Variants in GYPB observed in about 807,000 individuals in gnomAD.
GYPB encodes glycophorin B (MNS blood group).
In GYPB, 13 loss-of-function variants were observed where a neutral mutation model predicts 15.3. That is an observed-to-expected ratio of 0.85 (90% CI 0.55 to 1.35). GYPB has a LOEUF of 1.35. Ranked by LOEUF, GYPB falls within the 40% of genes most tolerant of loss-of-function variation. The probability of loss-of-function intolerance (pLI) is 0.00; values close to 1 mark genes in which losing one functional copy is unlikely to be tolerated. For missense variants in GYPB, 131 were observed against 108.3 expected (o/e 1.21, Z -0.93); for synonymous variants, 38 against 36.9 (o/e 1.03, Z -0.11).
chr4:143,995,539 T>A (rs1270725782), downstream of GYPB, among the ~76,000 whole-genome samples: 6 of 151,232 alleles, frequency 4.0e-5, no homozygotes, highest in Non-Finnish European at 7.3e-5. Context: ...GGCGTGGGCA[T>A]CCTGGAGTCC....
intron 1 of GYPB, chr4:144,008,502 G>A (rs1305947555): frequency 2.2e-6 from 1 of 455,170 alleles, no homozygotes; most frequent in East Asian, 6.9e-5. Flanking sequence ...GTTATTAACA[G>A]TCTGTTAAGT....
intron 2 of GYPB, 151 bp downstream of exon 2, chr4:144,001,034 T>G: frequency 1.4e-6 from 2 of 1,384,352 alleles, no homozygotes; most frequent in Admixed American, 4.0e-5. Flanking sequence ...TCCTCTGTAG[T>G]AAGAATTGTG....
At chr4:144,005,794 A>C (rs115017682) in intron 1 of GYPB, among the ~76,000 whole-genome samples, 1,844 of 151,752 alleles carry the variant, frequency 0.012, 16 homozygotes, top group African/African-American at 0.043. Context: ...TCTGAGAAAC[A>C]TACTCTCAAG....
rs778833697 is a variant in GYPB, at chr4:143,999,494, T to G, written c.137-45A>C. 6 of 1,026,836 alleles carry G rather than the reference T, an allele frequency of 5.8e-6. No homozygotes were observed. In the Admixed American group the frequency reaches 9.6e-5, roughly 16 times the overall value. The allele number at this position is 1,026,836 out of a possible 1,614,324, so 63.6% of individuals were successfully genotyped here. A position where few individuals can be genotyped will look rare whatever the true frequency, so the allele number is the denominator to read the frequency against. ...TGTAAGTCCAAATAAGAAAGACATG[T>G]GCAAAGAAAAAAATCATTTTGGAAT... On this transcript the variant is annotated intron_variant, in intron 2 of 4. Transcript: ENST00000502664.
At chr4:144,004,107 T>G (rs1727758939) in intron 1 of GYPB, among the ~76,000 whole-genome samples, 1 of 151,768 alleles carries the variant, frequency 6.6e-6, no homozygotes, top group Non-Finnish European at 1.5e-5. Context: ...AGACTGAAAG[T>G]TGCCACTTAT....
chr4:144,010,856 A>C (rs1053180940), intron 1 of GYPB, among the ~76,000 whole-genome samples: 9 of 151,492 alleles, frequency 5.9e-5, no homozygotes, highest in South Asian at 2.1e-4. Context: ...TCAAAAACAT[A>C]AAGTTAGCTA....
At chr4:144,004,817 T>G (rs1286114105) in intron 1 of GYPB, among the ~76,000 whole-genome samples, 2 of 151,880 alleles carry the variant, frequency 1.3e-5, no homozygotes, top group Non-Finnish European at 2.9e-5. Context: ...TAGACATCTG[T>G]GGACATATTC....
chr4:144,015,463 A>G (rs1280200209), intron 1 of GYPB, among the ~76,000 whole-genome samples: 1 of 151,442 alleles, frequency 6.6e-6, no homozygotes, highest in Non-Finnish European at 1.5e-5. Context: ...AGCAAAAGAT[A>G]TTACATTTGC....
rs541981477 is a variant in GYPB at position 144,018,556 on chromosome 4, G to C, written c.37+695C>G. 8.4e-3 allele frequency among the ~76,000 whole-genome samples: 1,273 copies of C among 151,244 alleles called. 91 individuals carry two copies. The highest frequency in any genetic ancestry group is 0.03 in the African/African-American group (1,215 of 40,608). On this transcript the variant is annotated intron_variant, in intron 1 of 4. Transcript: ENST00000502664. Reference sequence around the variant, plus strand: ...AGGATGTTTAACTATAATATTCTCAGAAAGAGGCCAAAATCATGTTAATTT... The same window carrying C: ...AGGATGTTTAACTATAATATTCTCACAAAGAGGCCAAAATCATGTTAATTT...
At position 143,999,448 on chromosome 4, in the gene GYPB, T is replaced by G. The variant is rs1471979650; in HGVS notation, c.138A>C (p.Gly46=). ...TKSYISSQTN[G]ETGQLVHRFT... ...AACGATGGACAAGTTGTCCCGTTTC[T>G]CCTATAAAGCAAAATTTCAATGTAA... Residue 46 remains glycine (G), a splice_region_variant and synonymous_variant, in exon 3 of 5, where the codon GGA becomes GGC. Coordinates refer to ENST00000502664, the MANE Select transcript of GYPB (RefSeq NM_002100.6). 1 of 1,486,256 alleles carries G rather than the reference T, an allele frequency of 6.7e-7. No individual in the cohort carries two copies. Among genetic ancestry groups the G allele is most frequent in the Non-Finnish European group, 9.3e-7 (1 of 1,069,946 alleles). 92.1% of individuals were successfully genotyped at this position (1,486,256 alleles called of 1,614,324 possible).
chr4:144,002,619 T>A (rs1560707133), intron 1 of GYPB: 1 of 1,287,222 alleles, frequency 7.8e-7, no homozygotes, highest in Non-Finnish European at 1.0e-6. Context: ...GGCACCCAAG[T>A]GCAGTGGAGT....
chr4:143,997,507 T>C, intron 4 of GYPB, 33 bp downstream of exon 4: 1 of 1,189,448 alleles, frequency 8.4e-7, no homozygotes. Flanking sequence ...TTCACACTGG[T>C]ATTTAGAGCA....
chr4:144,003,354 G>A lies in GYPB; in HGVS notation c.38-2071C>T, dbSNP rs545504594. ...AGGGTCCCATCTTGTGTTCAAGAGT[G>A]GCCAAGATAAGCAGTCCCTTTGCAA... is the stretch of plus-strand genomic sequence containing the variant. On this transcript the variant is annotated intron_variant, in intron 1 of 4. Transcript: ENST00000502664. 7.7e-4 allele frequency among the ~76,000 whole-genome samples: 116 copies of A among 151,354 alleles called. 13 individuals carry two copies. The highest frequency in any genetic ancestry group is 2.8e-3 in the African/African-American group (114 of 40,704).
Position 143,997,822 on chromosome 4 carries a change from T to C in GYPB, c.176-188A>G, listed in dbSNP as rs565807638. ...CAGTAACCTTGTGGGAAACTGGGAC[T>C]GTGAGTGATCAAGTCTTTTGTCCAA... On this transcript the variant is annotated intron_variant, in intron 3 of 4. Transcript: ENST00000502664. Among the ~76,000 whole-genome samples, 162 of 151,556 alleles carry C rather than the reference T, an allele frequency of 1.1e-3. 7 individuals carry two copies. The highest frequency in any genetic ancestry group is 3.7e-3 in the African/African-American group (150 of 40,828).
chr4:144,014,676 GA>G (rs1356462999), intron 1 of GYPB, among the ~76,000 whole-genome samples: 2 of 151,406 alleles, frequency 1.3e-5, no homozygotes, highest in African/African-American at 4.9e-5. Context: ...CTGGAGTGAT[GA>G]AAATGTTCTG....
rs115348261 is a variant in GYPB at position 143,999,884 on chromosome 4, T to C, written c.137-435A>G. Among the ~76,000 whole-genome samples, 896 of 134,726 alleles carry C rather than the reference T, an allele frequency of 6.7e-3. 13 individuals are homozygous for C. Among genetic ancestry groups the C allele is most frequent in the Middle Eastern group, 0.011 (3 of 284 alleles). 88.4% of individuals were successfully genotyped at this position (134,726 alleles called of 152,430 possible). ...GCTATCAATTTTCTGATTTATGCCATAGCCACTGTATGAATCTAAACTGTT... is the reference window on the plus strand; with the variant it reads ...GCTATCAATTTTCTGATTTATGCCACAGCCACTGTATGAATCTAAACTGTT... On this transcript the variant is annotated intron_variant, in intron 2 of 4. Transcript: ENST00000502664.
At chr4:144,017,490 G>T (rs1228925207) in intron 1 of GYPB, among the ~76,000 whole-genome samples, 2 of 151,194 alleles carry the variant, frequency 1.3e-5, no homozygotes, top group Non-Finnish European at 2.9e-5. Flanking sequence ...TTTCTGCTAC[G>T]AAGATGATAA....
At chr4:144,012,058 C>A (rs1314535211) in intron 1 of GYPB, among the ~76,000 whole-genome samples, 4 of 152,032 alleles carry the variant, frequency 2.6e-5, no homozygotes, top group Non-Finnish European at 4.4e-5. Flanking sequence ...AATTTAAAAA[C>A]ATTTTCTATA....
chr4:144,013,224 A>G (rs1728311418), intron 1 of GYPB, among the ~76,000 whole-genome samples: 3 of 151,160 alleles, frequency 2.0e-5, no homozygotes, highest in African/African-American at 7.4e-5. Context: ...ATGAGATACC[A>G]TCTCACACCA....
Sources: gnomAD v4.1 joint callset for allele counts (sites outside exome capture counted in the v4.1 genomes callset) on GRCh38, gnomAD v4.1.1 for gene constraint, MANE v1.5 for transcripts, NCBI Gene and HGNC (gene_info 2026-07-23, HGNC 2026-07-21) for gene names.